Variants in GAREM1 observed in about 807,000 individuals in gnomAD.
GAREM1 encodes the protein GRB2 associated regulator of MAPK1 subtype 1, also known as GRB2-associated and regulator of MAPK protein 1.
GAREM1 carries 26 observed loss-of-function variants against 71.3 expected under a neutral mutation model. The ratio of observed to expected loss-of-function variants is 0.36; its 90% CI spans 0.27 to 0.51. The LOEUF is 0.51. Among genes scored for constraint, GAREM1 ranks in the 20% least tolerant of loss-of-function variants. The probability of loss-of-function intolerance (pLI) is 0.95; values close to 1 mark genes in which losing one functional copy is unlikely to be tolerated. For missense variants in GAREM1, 1,026 were observed against 1,103.1 expected (o/e 0.93, Z 0.99); for synonymous variants, 440 against 433.2 (o/e 1.02, Z -0.20).
chr18:32,362,533 AAG>A (rs1309754937), intron 2 of GAREM1, among the ~76,000 whole-genome samples: 2 of 152,230 alleles, frequency 1.3e-5, no homozygotes, highest in Non-Finnish European at 2.9e-5. Flanking sequence ...AATTACAGAA[AAG>A]AGAGAGAAGT....
intron 2 of GAREM1, among the ~76,000 whole-genome samples, chr18:32,351,606 T>TAC (rs1439573063): frequency 6.6e-6 from 1 of 152,130 alleles, no homozygotes; most frequent in African/African-American, 2.4e-5. Flanking sequence ...AGGATGATGC[T>TAC]ACACACACAG....
At chr18:32,348,719 T>G (rs768706144) in intron 2 of GAREM1, among the ~76,000 whole-genome samples, 2 of 152,174 alleles carry the variant, frequency 1.3e-5, no homozygotes, top group Non-Finnish European at 2.9e-5. Context: ...TGAATGAGAC[T>G]CCATCTCTAA....
intron 2 of GAREM1, among the ~76,000 whole-genome samples, chr18:32,352,824 T>TG (rs1397242507): frequency 6.6e-6 from 1 of 152,150 alleles, no homozygotes; most frequent in Non-Finnish European, 1.5e-5. Flanking sequence ...AATTCTGGGC[T>TG]GATTCAGAGT....
At chr18:32,283,812 C>T (rs906484286) in intron 4 of GAREM1, among the ~76,000 whole-genome samples, 1 of 152,248 alleles carries the variant, frequency 6.6e-6, no homozygotes, top group South Asian at 2.1e-4. Context: ...GAGCAGAGCC[C>T]GGAGGATGCC....
intron 3 of GAREM1, among the ~76,000 whole-genome samples, chr18:32,300,613 GA>G (rs1479272682): frequency 1.3e-5 from 2 of 152,114 alleles, no homozygotes; most frequent in Non-Finnish European, 1.5e-5. Flanking sequence ...AATGAATAAA[GA>G]AAGTAACATA....
At chr18:32,278,267 AG>A (rs1466192342) in intron 4 of GAREM1, among the ~76,000 whole-genome samples, 1 of 152,190 alleles carries the variant, frequency 6.6e-6, no homozygotes, top group Non-Finnish European at 1.5e-5. Context: ...ATCTGCTGAC[AG>A]GGCCATGTAT....
intron 3 of GAREM1, among the ~76,000 whole-genome samples, chr18:32,292,562 T>C (rs55780220): frequency 2.5e-3 from 376 of 152,246 alleles, no homozygotes; most frequent in African/African-American, 7.9e-3. Flanking sequence ...GTGAAGATAA[T>C]TGAATCATGG....
intron 2 of GAREM1, among the ~76,000 whole-genome samples, chr18:32,334,076 C>G (rs550873386): frequency 6.6e-6 from 1 of 152,094 alleles, no homozygotes; most frequent in East Asian, 1.9e-4. Flanking sequence ...ACATTGCAGT[C>G]GGAAAGAAGC....
intron 5 of GAREM1, among the ~76,000 whole-genome samples, chr18:32,269,185 G>C (rs1030735492): frequency 6.6e-6 from 1 of 152,198 alleles, no homozygotes; most frequent in Non-Finnish European, 1.5e-5. Flanking sequence ...TTGTGCTACA[G>C]TGACATGATG....
intron 3 of GAREM1, among the ~76,000 whole-genome samples, chr18:32,304,962 T>G (rs1182301198): frequency 6.6e-6 from 1 of 152,110 alleles, no homozygotes; most frequent in African/African-American, 2.4e-5. Context: ...AAAGAGGACA[T>G]CTTCTGACTT....
chr18:32,308,807 A>G (rs967163984), intron 3 of GAREM1, among the ~76,000 whole-genome samples: 1 of 150,516 alleles, frequency 6.6e-6, no homozygotes, highest in Non-Finnish European at 1.5e-5. Context: ...CACTCATCTT[A>G]ATAATAAAAC....
intron 2 of GAREM1, among the ~76,000 whole-genome samples, chr18:32,364,015 TATATATATA>T (rs1567980696): frequency 3.3e-4 from 21 of 64,520 alleles, no homozygotes; most frequent in African/African-American, 1.6e-3. Context: ...TATATATATA[TATATATATA>T]TATGTTTTTT....
chr18:32,382,238 C>A lies in GAREM1; in HGVS notation c.262+10657G>T, dbSNP rs2048104435. ...GTGGGAAGAGTGACAGCAAGACAAA[C>A]AGTCATGGGTGCAAATTGTTACAGG... On this transcript the variant is annotated intron_variant, in intron 2 of 5. Coordinates refer to ENST00000269209, the MANE Select transcript of GAREM1 (RefSeq NM_001242409.2). Among the ~76,000 whole-genome samples, 3 of 152,104 alleles carry A rather than the reference C, an allele frequency of 2.0e-5. No individual in the cohort carries two copies. The South Asian group carries it at 6.2e-4, about 32-fold the overall frequency.
At chr18:32,373,399 A>C (rs938998988) in intron 2 of GAREM1, among the ~76,000 whole-genome samples, 10 of 152,144 alleles carry the variant, frequency 6.6e-5, no homozygotes, top group African/African-American at 2.4e-4. Flanking sequence ...CAGATGTTGA[A>C]CCCTAATGCC....
At chr18:32,370,849 T>C (rs907610390) in intron 2 of GAREM1, among the ~76,000 whole-genome samples, 12 of 152,214 alleles carry the variant, frequency 7.9e-5, no homozygotes, top group East Asian at 3.8e-4. Context: ...ACAATCTTTA[T>C]ATATATACAG....
intron 1 of GAREM1, among the ~76,000 whole-genome samples, chr18:32,393,309 G>A (rs34379307): frequency 0.039 from 5,965 of 151,458 alleles, 168 homozygotes; most frequent in Non-Finnish European, 0.059. Context: ...AAATGATTAT[G>A]TTTTAATGAT....
intron 2 of GAREM1, among the ~76,000 whole-genome samples, chr18:32,323,073 A>C (rs531671020): frequency 7.9e-5 from 12 of 152,376 alleles, no homozygotes; most frequent in South Asian, 4.1e-4. Flanking sequence ...AGTAGAAATG[A>C]TGACCTCATA....
intron 2 of GAREM1, among the ~76,000 whole-genome samples, chr18:32,330,362 G>T (rs925644300): frequency 6.6e-6 from 1 of 152,188 alleles, no homozygotes; most frequent in African/African-American, 2.4e-5. Context: ...CTAGTTGTGG[G>T]GGGAGGGAAG....
rs1367881946 is a variant in GAREM1, at chr18:32,470,214, C to A, written c.121+94G>T. 2.3e-6 allele frequency: 3 copies of A among 1,284,358 alleles called. No homozygotes were observed. Among genetic ancestry groups the A allele is most frequent in the East Asian group, 6.4e-5 (2 of 31,478 alleles). The allele number at this position is 1,284,358 out of a possible 1,614,324, so 79.6% of individuals were successfully genotyped here. A position where few individuals can be genotyped will look rare whatever the true frequency, so the allele number is the denominator to read the frequency against. On this transcript the variant is annotated intron_variant, in intron 1 of 5. Transcript: ENST00000269209. This position sits in a 1 kb window ranked among gnomAD's most constrained non-coding sequence, Gnocchi z 4.4. ...GGCGCTCAGGGGCGGGCAGCCCACT[C>A]CCCGCGGGTCCCACCCTCTCCAGCA...
Sources: gnomAD v4.1 joint callset for allele counts (sites outside exome capture counted in the v4.1 genomes callset) on GRCh38, gnomAD v4.1.1 for gene constraint, Gnocchi (gnomAD v3.1) non-coding constraint, MANE v1.5 for transcripts, NCBI Gene and HGNC (gene_info 2026-07-23, HGNC 2026-07-21) for gene names.